ZFHX3: variants seen among roughly 807,000 people sequenced by gnomAD.
ZFHX3 encodes zinc finger homeobox 3, also known as zinc finger homeobox protein 3.
Under a neutral mutation model 279.1 loss-of-function variants are expected in ZFHX3, and 42 were observed. The observed-to-expected ratio is 0.15, with a 90% confidence interval of 0.12 to 0.19. The LOEUF (loss-of-function observed/expected upper bound fraction) is 0.19, where lower values mean the gene tolerates loss of function less well. ZFHX3 is among the 10% of genes least tolerant of loss of function. The pLI is 1.00. For missense variants in ZFHX3, 4,981 were observed against 4,754.0 expected, an observed-to-expected ratio of 1.05 and a Z score of -1.40; for synonymous variants, 2,293 against 1,957.8, an observed-to-expected ratio of 1.17 and a Z score of -4.52.
intron 5 of ZFHX3, among the ~76,000 whole-genome samples, chr16:73,206,456 T>C (rs2011806163): frequency 1.3e-5 from 2 of 152,162 alleles, no homozygotes. Context: ...CCTTTCAATT[T>C]TGATCTCTTT....
At chr16:73,689,984 C>T (rs937413165) in intron 1 of ZFHX3, among the ~76,000 whole-genome samples, 4 of 151,872 alleles carry the variant, frequency 2.6e-5, no homozygotes, top group South Asian at 2.1e-4. Context: ...GGCGCGATCT[C>T]GGCTCACCGC....
At chr16:72,953,052 G>A (rs914748403) in intron 2 of ZFHX3, among the ~76,000 whole-genome samples, 4 of 151,736 alleles carry the variant, frequency 2.6e-5, no homozygotes, top group African/African-American at 7.3e-5. Context: ...TTTTTTTTAT[G>A]ATTTTCTTAT....
intron 5 of ZFHX3, among the ~76,000 whole-genome samples, chr16:73,205,435 C>T (rs193103699): frequency 1.1e-4 from 17 of 152,138 alleles, no homozygotes; most frequent in Admixed American, 6.5e-4. Flanking sequence ...GCCAGTAAAA[C>T]GATTTAGTTA....
At chr16:72,856,244 T>C (rs2037753220) in intron 4 of ZFHX3, among the ~76,000 whole-genome samples, 1 of 152,194 alleles carries the variant, frequency 6.6e-6, no homozygotes, top group Non-Finnish European at 1.5e-5. Flanking sequence ...TGCCATGTTC[T>C]AGAACAAAGG....
At chr16:73,170,223 G>GTCTTTTTTTTTTTTTTTTTT (rs1967487271) in intron 5 of ZFHX3, among the ~76,000 whole-genome samples, 1 of 57,718 alleles carries the variant, frequency 1.7e-5, no homozygotes, top group Non-Finnish European at 2.9e-5. Flanking sequence ...CCTTTCACTA[G>GTCTTTTTTTTTTTTTTTTTT]TTTTTTTTTT....
chr16:73,248,540 CAT>C lies in ZFHX3; in HGVS notation c.-1104+8505_-1104+8506del, dbSNP rs777680658. On this transcript the variant is annotated intron_variant, in intron 5 of 17. Transcript: ENST00000641206. ...TACCGTGTATATGTGTCTGTGTGTA[CAT>C]GTGTGTGTGTACTGTGTATAAAATG... 1.1e-4 allele frequency among the ~76,000 whole-genome samples: 16 copies of C among 147,228 alleles called. No homozygotes were observed. The Middle Eastern group carries it at 0.015, about 135-fold the overall frequency.
intron 3 of ZFHX3, among the ~76,000 whole-genome samples, chr16:73,321,915 C>A (rs947163367): frequency 5.3e-5 from 8 of 152,190 alleles, no homozygotes; most frequent in Admixed American, 6.5e-5. Context: ...CTTTCCATGA[C>A]AGCTGCACTC....
At chr16:73,528,760 G>A (rs2019739501) in intron 2 of ZFHX3, among the ~76,000 whole-genome samples, 1 of 152,174 alleles carries the variant, frequency 6.6e-6, no homozygotes, top group African/African-American at 2.4e-5. Flanking sequence ...CCAAACATTT[G>A]AAGCACAGTA....
At chr16:73,058,834 C>A in exon 1 of ZFHX3, 1 of 158,180 alleles carries the variant, frequency 6.3e-6, no homozygotes, top group Non-Finnish European at 1.3e-5. Context: ...GGGGAGTTTA[C>A]AGCCCCCGGA....
chr16:73,179,221 T>C (rs767894003), intron 5 of ZFHX3, among the ~76,000 whole-genome samples: 3 of 152,206 alleles, frequency 2.0e-5, no homozygotes, highest in Non-Finnish European at 4.4e-5. Flanking sequence ...CCATTTTAAG[T>C]TTCAGTCAAC....
intron 5 of ZFHX3, among the ~76,000 whole-genome samples, chr16:72,816,848 G>A (rs2036621333): frequency 6.6e-6 from 1 of 152,204 alleles, no homozygotes; most frequent in Non-Finnish European, 1.5e-5. Context: ...GGCTCCCTTA[G>A]GGGGAAAATC....
chr16:73,102,013 A>G (rs1219822417), intron 7 of ZFHX3, among the ~76,000 whole-genome samples: 2 of 149,874 alleles, frequency 1.3e-5, no homozygotes, highest in Admixed American at 1.3e-4. Context: ...TCCTGGGTTC[A>G]AGCGATTCTT....
intron 2 of ZFHX3, among the ~76,000 whole-genome samples, chr16:73,590,945 G>A (rs758936861): frequency 2.0e-5 from 3 of 152,158 alleles, no homozygotes; most frequent in Non-Finnish European, 2.9e-5. Flanking sequence ...AGCTAAGCCT[G>A]TAGATCTAAC....
At chr16:73,811,435 CTTCTT>C (rs1782128382) in intron 1 of ZFHX3, among the ~76,000 whole-genome samples, 5 of 142,268 alleles carry the variant, frequency 3.5e-5, no homozygotes, top group African/African-American at 1.1e-4. Flanking sequence ...CCTTCAGTCT[CTTCTT>C]TTTTTTTTTT....
rs367751123 is a variant in ZFHX3 at position 73,631,631 on chromosome 16, G to A, written c.-1547+48549C>T. Among the ~76,000 whole-genome samples the A allele has an allele frequency of 9.2e-5, 14 of 152,204 alleles. No individual in the cohort carries two copies. The South Asian group carries it at 1.5e-3, about 16-fold the overall frequency. The stretch of plus-strand genomic sequence containing the variant: ...AAGTGCTTTGCATCTCTGGCTGGGC[G>A]CAGTGGCTCACACCTATAATTCCAG... On this transcript the variant is annotated intron_variant, in intron 2 of 17. Coordinates refer to the ZFHX3 transcript ENST00000641206.
In ZFHX3 at chr16:72,797,241, C is replaced by T; in HGVS notation, c.5441G>A (p.Ser1814Asn). 6.2e-7 allele frequency: 1 copy of T among 1,613,810 alleles called. No homozygotes were observed. The highest frequency in any genetic ancestry group is 8.5e-7 in the Non-Finnish European group (1 of 1,179,884). ...SAEFQLNPEV[S>N]LPVTSGALTL... Reference sequence around the variant, plus strand: ...CAGTGCCCCACTGGTCACTGGCAAGCTCACCTCGGGGTTAAGCTGGAACTC... The same window carrying T: ...CAGTGCCCCACTGGTCACTGGCAAGTTCACCTCGGGGTTAAGCTGGAACTC... The change falls in exon 9 of 10, where the codon AGC becomes AAC. Residue 1814 changes from serine to asparagine, a missense_variant. Coordinates refer to ENST00000268489, the MANE Select transcript of ZFHX3 (RefSeq NM_006885.4).
intron 3 of ZFHX3, among the ~76,000 whole-genome samples, chr16:73,338,145 G>A (rs1363210396): frequency 2.0e-5 from 3 of 152,026 alleles, no homozygotes; most frequent in East Asian, 1.9e-4. Context: ...GAAGAAAACC[G>A]CACAGCCAGG....
intron 5 of ZFHX3, among the ~76,000 whole-genome samples, chr16:73,170,569 T>C (rs1177163469): frequency 6.6e-6 from 1 of 152,018 alleles, no homozygotes; most frequent in Non-Finnish European, 1.5e-5. Context: ...TTGAAATAGT[T>C]TGGGTGTTCA....
At chr16:72,989,959 G>T (rs757334415) in intron 1 of ZFHX3, among the ~76,000 whole-genome samples, 2 of 152,170 alleles carry the variant, frequency 1.3e-5, no homozygotes, top group African/African-American at 2.4e-5. Context: ...GAGAAAGCAG[G>T]AGTCAGGAGG....
Sources: allele counts gnomAD v4.1 joint callset (sites outside exome capture counted in the v4.1 genomes callset), GRCh38; gene constraint gnomAD v4.1.1; transcripts MANE v1.5; gene names NCBI Gene and HGNC (gene_info 2026-07-23, HGNC 2026-07-21).